TTC28: variants seen among roughly 807,000 people sequenced by gnomAD.
TTC28 encodes the protein tetratricopeptide repeat protein 28.
Under a neutral mutation model 198.0 loss-of-function variants are expected in TTC28, and 61 were observed. The observed-to-expected ratio is 0.31, with a 90% CI of 0.25 to 0.38. TTC28 has a LOEUF of 0.38. Ranked by LOEUF, TTC28 falls within the 10% of genes least tolerant of loss-of-function variation. The probability of loss-of-function intolerance (pLI) is 1.00; values close to 1 mark genes in which losing one functional copy is unlikely to be tolerated. For synonymous variants in TTC28, 1,171 were observed against 1,297.8 expected (o/e 0.90, Z 2.10); for missense variants, 2,678 against 3,164.0 (o/e 0.85, Z 3.69).
At chr22:28,103,432 T>C (rs1054781288) in intron 8 of TTC28, among the ~76,000 whole-genome samples, 1 of 152,150 alleles carries the variant, frequency 6.6e-6, no homozygotes, top group Non-Finnish European at 1.5e-5. Flanking sequence ...GTGATGCTGA[T>C]CTACAAGGCC....
chr22:28,400,339 G>A (rs1282728407), intron 2 of TTC28, among the ~76,000 whole-genome samples: 3 of 152,178 alleles, frequency 2.0e-5, no homozygotes, highest in African/African-American at 7.2e-5. Context: ...GCATTTCAAA[G>A]AGTGCCAGGA....
chr22:28,113,870 CTT>C (rs2146920012), intron 6 of TTC28, among the ~76,000 whole-genome samples: 1 of 152,308 alleles, frequency 6.6e-6, no homozygotes, highest in Non-Finnish European at 1.5e-5. Context: ...ATACATAAAA[CTT>C]TGCACTGCAT....
intron 2 of TTC28, among the ~76,000 whole-genome samples, chr22:28,404,869 C>G (rs1474618365): frequency 6.6e-6 from 1 of 152,140 alleles, no homozygotes; most frequent in African/African-American, 2.4e-5. Context: ...TTGAGTCATA[C>G]GGGGCTGGGA....
At chr22:28,603,224 AAAT>A (rs1213575113) in intron 2 of TTC28, among the ~76,000 whole-genome samples, 1 of 152,178 alleles carries the variant, frequency 6.6e-6, no homozygotes, top group Non-Finnish European at 1.5e-5. Flanking sequence ...AATGAACAAC[AAAT>A]AATATTTCAT....
chr22:28,441,922 GAAC>G (rs2047628557), intron 2 of TTC28, among the ~76,000 whole-genome samples: 1 of 149,472 alleles, frequency 6.7e-6, no homozygotes, highest in South Asian at 2.1e-4. Context: ...GTTATGCAGT[GAAC>G]AACTGGGTTC....
At chr22:28,474,744 T>G (rs2048139251) in intron 2 of TTC28, among the ~76,000 whole-genome samples, 1 of 152,192 alleles carries the variant, frequency 6.6e-6, no homozygotes, top group Admixed American at 6.5e-5. Flanking sequence ...AATAGCATAG[T>G]CAATTGGCCC....
intron 11 of TTC28, among the ~76,000 whole-genome samples, chr22:28,095,021 G>A (rs765098410): frequency 4.6e-5 from 7 of 151,986 alleles, no homozygotes; most frequent in Non-Finnish European, 7.4e-5. Flanking sequence ...CAGGAATTCC[G>A]ATATACCACC....
chr22:28,469,739 G>A (rs2048073871), intron 2 of TTC28, among the ~76,000 whole-genome samples: 1 of 152,204 alleles, frequency 6.6e-6, no homozygotes, highest in Non-Finnish European at 1.5e-5. Flanking sequence ...CACAGCCCTG[G>A]CAAGATACCT....
At chr22:28,567,851 C>A (rs1421748657) in intron 2 of TTC28, among the ~76,000 whole-genome samples, 1 of 151,752 alleles carries the variant, frequency 6.6e-6, no homozygotes, top group Non-Finnish European at 1.5e-5. Flanking sequence ...TGAAAAACTG[C>A]ATAAGGGGAA....
intron 2 of TTC28, among the ~76,000 whole-genome samples, chr22:28,329,179 T>C (rs1246713377): frequency 1.3e-5 from 2 of 152,142 alleles, no homozygotes; most frequent in East Asian, 1.9e-4. Flanking sequence ...AATATACATA[T>C]ATAATGTATG....
chr22:28,219,779 G>A (rs1927709655), intron 5 of TTC28, among the ~76,000 whole-genome samples: 1 of 152,140 alleles, frequency 6.6e-6, no homozygotes, highest in Non-Finnish European at 1.5e-5. Flanking sequence ...GAAACTGAGA[G>A]ATTTGAAAAA....
intron 1 of TTC28, among the ~76,000 whole-genome samples, chr22:28,678,864 A>G (rs1431105048): frequency 6.6e-6 from 1 of 152,138 alleles, no homozygotes; most frequent in Non-Finnish European, 1.5e-5. Flanking sequence ...TCGCCTGATC[A>G]CAACTTCGGA....
At chr22:28,018,167 C>A (rs1938442624) in intron 13 of TTC28, among the ~76,000 whole-genome samples, 1 of 152,146 alleles carries the variant, frequency 6.6e-6, no homozygotes, top group African/African-American at 2.4e-5. Flanking sequence ...GTGGGCCCAG[C>A]AGGACCTGGC....
At chr22:28,021,461 G>T (rs190205247) in intron 13 of TTC28, among the ~76,000 whole-genome samples, 2 of 152,198 alleles carry the variant, frequency 1.3e-5, no homozygotes, top group East Asian at 3.9e-4. Context: ...TGCTCCTCAC[G>T]GCACCAAAGA....
At chr22:28,240,806 T>G (rs549128322) in intron 5 of TTC28, among the ~76,000 whole-genome samples, 1 of 152,292 alleles carries the variant, frequency 6.6e-6, no homozygotes, top group East Asian at 1.9e-4. Context: ...GTCAAAAGAA[T>G]GTAGTAATTA....
chr22:28,449,656 A>C (rs2047751719), intron 2 of TTC28, among the ~76,000 whole-genome samples: 1 of 152,258 alleles, frequency 6.6e-6, no homozygotes, highest in African/African-American at 2.4e-5. Context: ...AGCCAGAACA[A>C]GATTTTAATT....
At chr22:28,298,280 G>T (rs2044941954) in intron 3 of TTC28, among the ~76,000 whole-genome samples, 1 of 152,096 alleles carries the variant, frequency 6.6e-6, no homozygotes, top group Non-Finnish European at 1.5e-5. Context: ...GCACAGTTTG[G>T]TCATTAACTA....
intron 2 of TTC28, among the ~76,000 whole-genome samples, chr22:28,384,916 G>A (rs1371260433): frequency 6.6e-6 from 1 of 151,972 alleles, no homozygotes; most frequent in Non-Finnish European, 1.5e-5. Context: ...CGGGGACGGG[G>A]GGGATCATCT....
At chr22:28,014,960 G>A (rs761959261) in intron 13 of TTC28, among the ~76,000 whole-genome samples, 3 of 152,240 alleles carry the variant, frequency 2.0e-5, no homozygotes, top group Non-Finnish European at 4.4e-5. Flanking sequence ...TGCAGAGTGG[G>A]TCGGTTTGAG....
Sources: gnomAD v4.1 joint callset for allele counts (sites outside exome capture counted in the v4.1 genomes callset) on GRCh38, gnomAD v4.1.1 for gene constraint, MANE v1.5 for transcripts, NCBI Gene and HGNC (gene_info 2026-07-23, HGNC 2026-07-21) for gene names.